ATP2C2: variants seen among roughly 807,000 people sequenced by gnomAD.
ATP2C2 encodes the protein ATPase secretory pathway Ca2+ transporting 2, also known as calcium-transporting ATPase type 2C member 2.
In ATP2C2, 171 loss-of-function variants were observed where a neutral mutation model predicts 110.8. The ratio of observed to expected loss-of-function variants is 1.54; its 90% confidence interval spans 1.36 to 1.75. ATP2C2 has a LOEUF of 1.75. ATP2C2 is among the 40% of genes most tolerant of loss of function. The pLI is 0.00. For synonymous variants in ATP2C2, 804 were observed against 508.4 expected (o/e 1.58, Z -7.82); for missense variants, 1,963 against 1,235.0 (o/e 1.59, Z -8.84).
rs374873336 is a variant in ATP2C2, at chr16:84,425,804, A to G, written c.986+3A>G. ...AGTATGTTCACGATCGGGGTCAGGTAAGAGTGCTATGGCCGCCCCTTGCCT... is the reference window on the plus strand; with the variant it reads ...AGTATGTTCACGATCGGGGTCAGGTGAGAGTGCTATGGCCGCCCCTTGCCT... On this transcript the variant is annotated splice_donor_region_variant and intron_variant, in intron 11 of 26. Transcript: ENST00000262429. The G allele has an allele frequency of 1.1e-5, 18 of 1,613,964 alleles. 1 individual carries two copies. In the African/African-American group the frequency reaches 1.5e-4, roughly 13 times the overall value.
At position 84,383,867 on chromosome 16, in the gene ATP2C2, G is replaced by T. The variant is rs560386929; in HGVS notation, c.100-14632G>T. Among the ~76,000 whole-genome samples, 5 of 142,894 alleles carry T rather than the reference G, an allele frequency of 3.5e-5. No homozygotes were observed. In the East Asian group the frequency reaches 1.1e-3, roughly 30 times the overall value. The allele number at this position is 142,894 out of a possible 152,430, so 93.7% of individuals were successfully genotyped here. Reference sequence around the variant, plus strand: ...AGCAGTAGCGCAATCTCGGCTCACTGCAGCATCCAACTCTCAGGCTCAAGC... The same window carrying T: ...AGCAGTAGCGCAATCTCGGCTCACTTCAGCATCCAACTCTCAGGCTCAAGC... On this transcript the variant is annotated intron_variant, in intron 1 of 26. Transcript: ENST00000262429.
At chr16:84,431,719 G>T (rs1908298098) in intron 11 of ATP2C2, among the ~76,000 whole-genome samples, 1 of 152,076 alleles carries the variant, frequency 6.6e-6, no homozygotes, top group South Asian at 2.1e-4. Flanking sequence ...TTAGATCATG[G>T]GGAAACTCAT....
intron 6 of ATP2C2, among the ~76,000 whole-genome samples, chr16:84,414,005 A>C (rs1906616234): frequency 2.0e-5 from 3 of 152,180 alleles, no homozygotes; most frequent in African/African-American, 7.2e-5. Flanking sequence ...AAAAGCCAAA[A>C]AATACTGGAG....
At chr16:84,412,265 T>G (rs71386832) in intron 6 of ATP2C2, among the ~76,000 whole-genome samples, 22,364 of 131,022 alleles carry the variant, frequency 0.17, 1,835 homozygotes, top group Non-Finnish European at 0.22. Flanking sequence ...TGTGTGTGTA[T>G]GTATGTGTGT....
rs62050919 is a variant in ATP2C2 at position 84,461,903 on chromosome 16, G to C, written c.2581-85G>C. ...CCTGCCCGCAGCATTGAGCGGCTCT[G>C]GCTCAGCGTGGGCAGTCAGAGCTCC... On this transcript the variant is annotated intron_variant, in intron 25 of 26. Coordinates refer to ENST00000262429, the MANE Select transcript of ATP2C2 (RefSeq NM_014861.4). 431 of 1,607,186 alleles carry C rather than the reference G, an allele frequency of 2.7e-4. 3 individuals carry two copies. In the African/African-American group the frequency reaches 4.9e-3, roughly 18 times the overall value.
intron 1 of ATP2C2, among the ~76,000 whole-genome samples, chr16:84,397,712 T>A (rs1334655420): frequency 1.5e-5 from 2 of 134,240 alleles, no homozygotes; most frequent in Non-Finnish European, 3.2e-5. Context: ...AGCCAACAAC[T>A]AACAACTGGA....
Position 84,426,508 on chromosome 16 carries a change from G to T in ATP2C2, c.986+707G>T, listed in dbSNP as rs148797008. Among the ~76,000 whole-genome samples, 1,054 of 152,204 alleles carry T rather than the reference G, an allele frequency of 6.9e-3. 12 individuals are homozygous for T. Among genetic ancestry groups the T allele is most frequent in the African/African-American group, 0.023 (959 of 41,504 alleles). Reference sequence around the variant, plus strand: ...AGAGCAAGGACCCCAGAGCCAGCCTGCCTCTGTTTAAATTCTACGCTTGCC... The same window carrying T: ...AGAGCAAGGACCCCAGAGCCAGCCTTCCTCTGTTTAAATTCTACGCTTGCC... On this transcript the variant is annotated intron_variant, in intron 11 of 26. Transcript: ENST00000262429.
chr16:84,444,279 C>T (rs902144619), intron 15 of ATP2C2, among the ~76,000 whole-genome samples: 5 of 150,812 alleles, frequency 3.3e-5, no homozygotes, highest in African/African-American at 1.2e-4. Context: ...TCAAGACCAG[C>T]CTGGCCAACA....
At chr16:84,454,426 T>A (rs1405706603) in intron 20 of ATP2C2, among the ~76,000 whole-genome samples, 1 of 152,202 alleles carries the variant, frequency 6.6e-6, no homozygotes, top group Admixed American at 6.6e-5. Context: ...TAAATCCCTA[T>A]GTGAGTTACT....
chr16:84,384,091 T>C (rs978026588), intron 1 of ATP2C2, among the ~76,000 whole-genome samples: 2 of 152,150 alleles, frequency 1.3e-5, no homozygotes, highest in African/African-American at 2.4e-5. Flanking sequence ...GCCCAGCCTA[T>C]TTTCTTTAAG....
At chr16:84,375,974 G>C (rs1910226312) in intron 1 of ATP2C2, among the ~76,000 whole-genome samples, 1 of 151,986 alleles carries the variant, frequency 6.6e-6, no homozygotes, top group Admixed American at 6.6e-5. Flanking sequence ...CTGGGTGGGT[G>C]TAGCTGGGTG....
At chr16:84,405,372 C>G in intron 3 of ATP2C2, 128 bp downstream of exon 3, 1 of 748,334 alleles carries the variant, frequency 1.3e-6, no homozygotes, top group Non-Finnish European at 2.2e-6. Flanking sequence ...GCTGCCCCAG[C>G]CAGCCTGAGC....
At position 84,405,166 on chromosome 16, in the gene ATP2C2, G is replaced by A. The variant is rs1197418633; in HGVS notation, c.249G>A (p.Thr83=). The change falls in exon 3 of 27, where the codon ACG becomes ACA. Residue 83 remains threonine (T), a synonymous_variant. Coordinates refer to ENST00000262429, the MANE Select transcript of ATP2C2 (RefSeq NM_014861.4). ...CTGGGCTGTCGGAGTTCTCGGTGAC[G>A]CAGCGCCGGCTGGCCCATGGCTGGA... ...LHTGLSEFSV[T]QRRLAHGWNE... is the part of the protein sequence containing the mutation. 11 of 1,613,700 alleles carry A rather than the reference G, an allele frequency of 6.8e-6. No homozygotes were observed. The highest frequency in any genetic ancestry group is 4.5e-5 in the East Asian group (2 of 44,878).
At chr16:84,461,210 C>A in intron 24 of ATP2C2, 1 of 255,448 alleles carries the variant, frequency 3.9e-6, no homozygotes, top group Non-Finnish European at 7.5e-6. Context: ...CCTGCAGGTT[C>A]AGGGAGCTCT....
rs776198967 is a variant in ATP2C2 at position 84,423,187 on chromosome 16, G to C, written c.844-1G>C. 1 of 1,613,834 alleles carries C rather than the reference G, an allele frequency of 6.2e-7. No individual in the cohort carries two copies. Among genetic ancestry groups the C allele is most frequent in the East Asian group, 2.2e-5 (1 of 44,882 alleles). On this transcript the variant is annotated splice_acceptor_variant, in intron 9 of 26. Transcript: ENST00000262429. LOFTEE classifies it high-confidence loss of function. ...CTAACCCATTGTGCTCACCCTTTCA[G>C]ACACCTAAAACTCCTTTGCAGAAAA...
At chr16:84,375,333 G>T (rs1910188914) in intron 1 of ATP2C2, among the ~76,000 whole-genome samples, 1 of 152,202 alleles carries the variant, frequency 6.6e-6, no homozygotes, top group Non-Finnish European at 1.5e-5. Context: ...CTTGAGGTCA[G>T]GAGTTCGAGA....
chr16:84,398,846 C>T (rs1905146219), intron 2 of ATP2C2, among the ~76,000 whole-genome samples: 1 of 151,432 alleles, frequency 6.6e-6, no homozygotes, highest in East Asian at 1.9e-4. Flanking sequence ...TTGAGACACT[C>T]TGTGTACGCT....
chr16:84,451,909 CT>C lies in ATP2C2; in HGVS notation c.1661-11del. 2 of 1,609,618 alleles carry C rather than the reference CT, an allele frequency of 1.2e-6. No individual in the cohort carries two copies. The highest frequency in any genetic ancestry group is 1.7e-6 in the Non-Finnish European group (2 of 1,178,692). On this transcript the variant is annotated splice_polypyrimidine_tract_variant and intron_variant, in intron 17 of 26. Transcript: ENST00000262429. ...CCCCGGTGACCCCTCCTTACTCCCC[CT>C]CTCTCCTCAGTGCTGGCCCTGGCTT...
rs769463943 is a variant in ATP2C2 at position 84,463,665 on chromosome 16, TCCTCAAA to T, written c.2776_2782del (p.Leu926TyrfsTer36). Reference sequence around the variant, plus strand: ...TCATCCGTCTTCATTTTGTCAGAGCTCCTCAAACTATGTGAAAAATACTGTTGCAGCC... The same window carrying T: ...TCATCCGTCTTCATTTTGTCAGAGCTCTATGTGAAAAATACTGTTGCAGCC... On this transcript the variant is annotated frameshift_variant, in exon 27 of 27. Transcript: ENST00000262429. LOFTEE classifies it low-confidence loss of function (END_TRUNC). 4.3e-6 allele frequency: 7 copies of T among 1,614,028 alleles called. No homozygotes were observed. The Admixed American group carries it at 1.2e-4, about 27-fold the overall frequency.
Sources: allele counts gnomAD v4.1 joint callset (sites outside exome capture counted in the v4.1 genomes callset), GRCh38; gene constraint gnomAD v4.1.1; transcripts MANE v1.5; gene names NCBI Gene and HGNC (gene_info 2026-07-23, HGNC 2026-07-21).